ANK2: variants seen among roughly 807,000 people sequenced by gnomAD.
ANK2 encodes the protein ankyrin-2.
A neutral mutation model predicts 360.5 loss-of-function variants in ANK2; 83 were observed. The ratio of observed to expected loss-of-function variants is 0.23; its 90% CI spans 0.19 to 0.28. The LOEUF is 0.28. Among genes scored for constraint, ANK2 ranks in the 10% least tolerant of loss-of-function variants. The probability of loss-of-function intolerance (pLI) is 1.00; values close to 1 mark genes in which losing one functional copy is unlikely to be tolerated. For missense variants in ANK2, 4,201 were observed against 4,795.7 expected (o/e 0.88, Z 3.66); for synonymous variants, 1,740 against 1,759.5 (o/e 0.99, Z 0.28).
rs549333736 is a variant in ANK2, at chr4:112,863,671, A to C, written c.-39-40784A>C. On this transcript the variant is annotated intron_variant, in intron 1 of 30. Coordinates refer to the ANK2 transcript ENST00000503271. The stretch of plus-strand genomic sequence containing the variant: ...CCTAGTAGCCGGGACTGCAGGCGCC[A>C]GCCACCACGCCCGGCTAATTTTTTG... Among the ~76,000 whole-genome samples the C allele has an allele frequency of 1.1e-3, 173 of 151,784 alleles. 1 individual carries two copies. The highest frequency in any genetic ancestry group is 4.2e-3 in the South Asian group (20 of 4,806).
At chr4:113,221,776 A>G (rs2099155060) in intron 4 of ANK2, among the ~76,000 whole-genome samples, 1 of 152,222 alleles carries the variant, frequency 6.6e-6, no homozygotes, top group African/African-American at 2.4e-5. Flanking sequence ...TATAGGATGC[A>G]CTGGAATGAG....
At chr4:112,916,683 G>A (rs1002464333) in intron 2 of ANK2, among the ~76,000 whole-genome samples, 1 of 152,014 alleles carries the variant, frequency 6.6e-6, no homozygotes, top group Non-Finnish European at 1.5e-5. Flanking sequence ...CACAAGGTCA[G>A]ACACATTAAA....
At chr4:113,234,418 A>C (rs2099354701) in intron 5 of ANK2, among the ~76,000 whole-genome samples, 1 of 152,210 alleles carries the variant, frequency 6.6e-6, no homozygotes, top group African/African-American at 2.4e-5. Flanking sequence ...AATAATTAAA[A>C]TTACTTTTTT....
At chr4:112,865,944 C>T (rs2070346360) in intron 1 of ANK2, among the ~76,000 whole-genome samples, 1 of 152,028 alleles carries the variant, frequency 6.6e-6, no homozygotes, top group Non-Finnish European at 1.5e-5. Flanking sequence ...AATTTTTAAA[C>T]AATGTTTTGT....
At chr4:113,245,873 C>A (rs908773841) in intron 9 of ANK2, among the ~76,000 whole-genome samples, 55 of 151,774 alleles carry the variant, frequency 3.6e-4, no homozygotes, top group African/African-American at 9.9e-4. Flanking sequence ...AGTGCGATCT[C>A]GGCTCACCGC....
intron 2 of ANK2, among the ~76,000 whole-genome samples, chr4:112,985,740 C>G (rs1313175764): frequency 2.6e-5 from 4 of 152,074 alleles, no homozygotes; most frequent in South Asian, 2.1e-4. Context: ...CCATGGTTCT[C>G]CCCTGGAGGG....
In ANK2 at chr4:112,927,278, T is replaced by C. The variant is rs145743813; in HGVS notation, c.21+22764T>C. Among the ~76,000 whole-genome samples, 21 of 152,326 alleles carry C rather than the reference T, an allele frequency of 1.4e-4. No individual in the cohort carries two copies. The East Asian group carries it at 3.9e-3, about 28-fold the overall frequency. On this transcript the variant is annotated intron_variant, in intron 2 of 30. Coordinates refer to the ANK2 transcript ENST00000503271. ...CTGATCCTCTCATTAATTAATTAGCTACATAAAATCCTTTACTTATATCAT... is the reference window on the plus strand; with the variant it reads ...CTGATCCTCTCATTAATTAATTAGCCACATAAAATCCTTTACTTATATCAT...
At chr4:112,807,012 G>C in the ANK2 span, among the ~76,000 whole-genome samples, 1 of 152,156 alleles carries the variant, frequency 6.6e-6, no homozygotes, top group Non-Finnish European at 1.5e-5. Flanking sequence ...TCTGGGCCTT[G>C]GGTGGCCCAT....
Position 113,288,415 on chromosome 4 carries a change from T to G in ANK2, c.2206T>G (p.Cys736Gly). The G allele has an allele frequency of 1.2e-6, 2 of 1,614,024 alleles. No homozygotes were observed. Among genetic ancestry groups the G allele is most frequent in the Non-Finnish European group, 1.7e-6 (2 of 1,179,932 alleles). ...KLGYTPLIVACHYGNVKMVNF... is the reference protein window; with the variant it reads ...KLGYTPLIVAGHYGNVKMVNF... The stretch of plus-strand genomic sequence containing the variant: ...TGGTTACACACCTTTAATTGTGGCC[T>G]GTCACTATGGAAATGTGAAAATGGT... Residue 736 changes from cysteine to glycine, a missense_variant, in exon 20 of 46, where the codon TGT becomes GGT. Cys to Gly is a radical substitution (Grantham distance 159). This residue lies in a region of ANK2 where 1,268 missense variants were observed against 1,650.8 expected (regional missense o/e 0.77). Transcript: ENST00000357077.
At chr4:113,268,933 G>A (rs1049805680) in intron 14 of ANK2, among the ~76,000 whole-genome samples, 1 of 152,088 alleles carries the variant, frequency 6.6e-6, no homozygotes, top group African/African-American at 2.4e-5. Context: ...ACTTGTTATT[G>A]GTCTATTCAG....
intron 1 of ANK2, among the ~76,000 whole-genome samples, chr4:112,874,859 CG>C (rs2074515848): frequency 6.6e-6 from 1 of 151,942 alleles, no homozygotes; most frequent in South Asian, 2.1e-4. Flanking sequence ...ATCCCCGGGG[CG>C]TAGAGCAATT....
At chr4:112,865,031 C>CAAAAAAAAAAAA (rs56149739) in intron 1 of ANK2, among the ~76,000 whole-genome samples, 1 of 52,506 alleles carries the variant, frequency 1.9e-5, no homozygotes. Flanking sequence ...GACTCCATCT[C>CAAAAAAAAAAAA]AAAAAAAAAA....
At chr4:112,810,135 A>G in the ANK2 span, among the ~76,000 whole-genome samples, 26 of 36,234 alleles carry the variant, frequency 7.2e-4, no homozygotes, top group African/African-American at 2.5e-3. Flanking sequence ...GTATATATAT[A>G]TATATATATA....
intron 1 of ANK2, among the ~76,000 whole-genome samples, chr4:113,157,750 C>T (rs1374906036): frequency 6.6e-6 from 1 of 152,142 alleles, no homozygotes; most frequent in African/African-American, 2.4e-5. Flanking sequence ...GTATTTAGCA[C>T]CTTTGGGGGA....
intron 2 of ANK2, chr4:112,980,244 C>T: frequency 6.6e-6 from 1 of 152,574 alleles, no homozygotes; most frequent in Non-Finnish European, 1.5e-5. Context: ...CTCAACTTTG[C>T]TCCACACCGG....
chr4:113,153,536 A>T (rs1186134895), intron 1 of ANK2, among the ~76,000 whole-genome samples: 4 of 152,214 alleles, frequency 2.6e-5, no homozygotes, highest in Non-Finnish European at 4.4e-5. Flanking sequence ...TATTTCACAG[A>T]TTTGTCTATA....
chr4:113,150,304 G>T (rs1450581513), intron 1 of ANK2, among the ~76,000 whole-genome samples: 3 of 152,112 alleles, frequency 2.0e-5, no homozygotes, highest in Admixed American at 2.0e-4. Context: ...AAAGAATAAT[G>T]CTTGGACTCT....
At chr4:112,771,403 C>A in the ANK2 span, among the ~76,000 whole-genome samples, 1 of 152,160 alleles carries the variant, frequency 6.6e-6, no homozygotes, top group Non-Finnish European at 1.5e-5. Context: ...CAGGCGTGAG[C>A]CACCACACCC....
At position 113,359,072 on chromosome 4, in the gene ANK2, C is replaced by T; in HGVS notation, c.10454C>T (p.Ala3485Val). ...IEFFEEISDEASKLVDRLTQS... is the reference protein window; with the variant it reads ...IEFFEEISDEVSKLVDRLTQS... ...TTCTTTGAGGAGATTAGTGATGAGG[C>T]TTCCAAATTAGTGGATAGGCTGACA... Residue 3485 changes from alanine (A) to valine (V), a missense_variant, in exon 38 of 46, where the codon GCT (alanine) becomes GTT (valine). Physicochemically the swap from Ala to Val is moderately conservative, Grantham distance 64 (BLOSUM62 0). Around this residue, in one of 4 missense-constraint regions of ANK2, gnomAD observed 2,642 missense variants for 2,714.5 expected, o/e 0.97. Coordinates refer to ENST00000357077, the MANE Select transcript of ANK2 (RefSeq NM_001148.6). 1 of 1,614,048 alleles carries T rather than the reference C, an allele frequency of 6.2e-7. No individual in the cohort carries two copies. The highest frequency in any genetic ancestry group is 8.5e-7 in the Non-Finnish European group (1 of 1,179,946).
Sources: allele counts gnomAD v4.1 joint callset (sites outside exome capture counted in the v4.1 genomes callset), GRCh38; gene constraint gnomAD v4.1.1; regional missense constraint gnomAD v4.1.1; transcripts MANE v1.5; gene names NCBI Gene and HGNC (gene_info 2026-07-23, HGNC 2026-07-21).